The following AGBL1 variants were observed in gnomAD, a reference collection of about 807,000 sequenced individuals.
AGBL1 encodes the protein AGBL carboxypeptidase 1.
Under a neutral mutation model 118.9 loss-of-function variants are expected in AGBL1, and 130 were observed. The observed-to-expected ratio is 1.09, with a 90% CI of 0.95 to 1.26. The LOEUF is 1.26. Among genes scored for constraint, AGBL1 ranks in the 50% most tolerant of loss-of-function variants. The pLI is 0.00. For synonymous variants in AGBL1, 555 were observed against 478.9 expected, an observed-to-expected ratio of 1.16 and a Z score of -2.08; for missense variants, 1,584 against 1,298.1, an observed-to-expected ratio of 1.22 and a Z score of -3.38.
intron 1 of AGBL1, among the ~76,000 whole-genome samples, chr15:86,110,075 C>G (rs1474362489): frequency 6.6e-6 from 1 of 152,212 alleles, no homozygotes; most frequent in Non-Finnish European, 1.5e-5. Context: ...ATGACTGGGA[C>G]CCCGTCAGGT....
intron 23 of AGBL1, among the ~76,000 whole-genome samples, chr15:86,957,625 T>A (rs973070901): frequency 3.3e-5 from 5 of 152,008 alleles, no homozygotes; most frequent in African/African-American, 1.2e-4. Flanking sequence ...CAGGTAATCA[T>A]CCTGTAATAT....
chr15:86,366,177 C>G (rs1173095015), intron 17 of AGBL1, among the ~76,000 whole-genome samples: 1 of 152,118 alleles, frequency 6.6e-6, no homozygotes, highest in Non-Finnish European at 1.5e-5. Context: ...CAATCCTCCC[C>G]TACATTCTTC....
At position 86,258,098 on chromosome 15, in the gene AGBL1, C is replaced by G. The variant is rs1186408622; in HGVS notation, c.969+67C>G. On this transcript the variant is annotated intron_variant, in intron 9 of 22. Transcript: ENST00000614907. ...CATCATGCACAGAAAAATATTACTT[C>G]CTGTGTTTGCCCAAGCCCAGTGTAA... The G allele has an allele frequency of 4.0e-5, 61 of 1,509,646 alleles. No individual in the cohort carries two copies. In the South Asian group the frequency reaches 7.3e-4, roughly 18 times the overall value. The allele number at this position is 1,509,646 out of a possible 1,614,324, so 93.5% of individuals were successfully genotyped here.
At chr15:86,876,546 G>A (rs1234204577) in intron 22 of AGBL1, among the ~76,000 whole-genome samples, 1 of 152,250 alleles carries the variant, frequency 6.6e-6, no homozygotes, top group African/African-American at 2.4e-5. Context: ...GTCAGAGGGA[G>A]ATTAGTCTGT....
chr15:86,454,972 C>T (rs1001076238), intron 18 of AGBL1, among the ~76,000 whole-genome samples: 1 of 152,096 alleles, frequency 6.6e-6, no homozygotes, highest in Non-Finnish European at 1.5e-5. Context: ...CTTCAGTGGT[C>T]AAGCCGTCTG....
chr15:86,490,125 G>A (rs1472733069), intron 18 of AGBL1, among the ~76,000 whole-genome samples: 1 of 152,056 alleles, frequency 6.6e-6, no homozygotes, highest in Non-Finnish European at 1.5e-5. Context: ...ACGTCCCGCT[G>A]AGCCATCTTA....
intron 3 of AGBL1, among the ~76,000 whole-genome samples, chr15:86,147,696 C>T (rs1597457137): frequency 1.3e-5 from 2 of 152,228 alleles, no homozygotes; most frequent in Non-Finnish European, 2.9e-5. Context: ...GAACAAAAGG[C>T]AGCAAACAAC....
chr15:86,698,250 T>A (rs1162188627), intron 22 of AGBL1, among the ~76,000 whole-genome samples: 1 of 152,012 alleles, frequency 6.6e-6, no homozygotes, highest in Non-Finnish European at 1.5e-5. Context: ...TAGAGTGGGA[T>A]GCAGAAAACT....
intron 18 of AGBL1, among the ~76,000 whole-genome samples, chr15:86,413,083 T>C (rs1243745042): frequency 6.6e-6 from 1 of 152,128 alleles, no homozygotes; most frequent in Non-Finnish European, 1.5e-5. Context: ...AACAACTACA[T>C]TATACATGGA....
At chr15:86,428,585 A>C (rs772928707) in intron 18 of AGBL1, among the ~76,000 whole-genome samples, 6 of 152,204 alleles carry the variant, frequency 3.9e-5, no homozygotes, top group Non-Finnish European at 7.3e-5. Context: ...AGTTGATTTG[A>C]GTTCTACCTC....
At chr15:86,528,367 G>T (rs1267100135) in intron 19 of AGBL1, among the ~76,000 whole-genome samples, 1 of 152,214 alleles carries the variant, frequency 6.6e-6, no homozygotes, top group African/African-American at 2.4e-5. Context: ...GGAAAATCAG[G>T]TCACTCCCAC....
intron 23 of AGBL1, among the ~76,000 whole-genome samples, chr15:86,972,622 T>C (rs2081120789): frequency 6.6e-6 from 1 of 152,050 alleles, no homozygotes; most frequent in African/African-American, 2.4e-5. Context: ...TACCATTAAA[T>C]GTTTGACTTC....
At chr15:86,421,517 A>G (rs2081789509) in intron 18 of AGBL1, among the ~76,000 whole-genome samples, 1 of 152,222 alleles carries the variant, frequency 6.6e-6, no homozygotes, top group African/African-American at 2.4e-5. Flanking sequence ...AAGGTAAAGA[A>G]CATTGACACT....
intron 23 of AGBL1, among the ~76,000 whole-genome samples, chr15:86,931,420 C>A (rs1226468386): frequency 6.6e-6 from 1 of 152,142 alleles, no homozygotes; most frequent in Non-Finnish European, 1.5e-5. Context: ...CACCTTTCTC[C>A]TGCTGCAAAA....
In AGBL1 at chr15:86,368,712, G is replaced by A. The variant is rs376341406; in HGVS notation, c.2375-28654G>A. On this transcript the variant is annotated intron_variant, in intron 17 of 22. Coordinates refer to ENST00000614907, the MANE Select transcript of AGBL1 (RefSeq NM_001386094.1). ...TAGTAGACATGAGGATATACTGAGA[G>A]GCTCGCACATTTTTATCTGATAGAA... is the stretch of plus-strand genomic sequence containing the variant. Among the ~76,000 whole-genome samples the A allele has an allele frequency of 1.4e-3, 217 of 152,222 alleles. 1 individual carries two copies. The highest frequency in any genetic ancestry group is 5.1e-3 in the African/African-American group (211 of 41,546).
intron 18 of AGBL1, among the ~76,000 whole-genome samples, chr15:86,457,809 A>G (rs2082279488): frequency 6.6e-6 from 1 of 152,310 alleles, no homozygotes; most frequent in African/African-American, 2.4e-5. Context: ...CCAGCAAAAG[A>G]AAGGGCAATG....
chr15:86,215,250 T>TGC (rs2078168689), intron 5 of AGBL1, among the ~76,000 whole-genome samples: 2 of 151,504 alleles, frequency 1.3e-5, no homozygotes, highest in African/African-American at 4.9e-5. Context: ...TGTGTGTGTG[T>TGC]GTGTGTGTGT....
At chr15:86,477,243 G>C (rs1280343301) in intron 18 of AGBL1, among the ~76,000 whole-genome samples, 1 of 120,826 alleles carries the variant, frequency 8.3e-6, no homozygotes, top group African/African-American at 3.5e-5. Flanking sequence ...GAGTAGAACT[G>C]AAGGAGATAG....
At chr15:86,784,001 A>G (rs1444189013) in intron 22 of AGBL1, among the ~76,000 whole-genome samples, 2 of 152,204 alleles carry the variant, frequency 1.3e-5, no homozygotes, top group South Asian at 2.1e-4. Flanking sequence ...AAGTAAGAAC[A>G]TGGATTTTGA....
Sources: gnomAD v4.1 joint callset for allele counts (sites outside exome capture counted in the v4.1 genomes callset) on GRCh38, gnomAD v4.1.1 for gene constraint, MANE v1.5 for transcripts, NCBI Gene and HGNC (gene_info 2026-07-23, HGNC 2026-07-21) for gene names.